CYFIP1: variants seen among roughly 807,000 people sequenced by gnomAD.
The protein encoded by CYFIP1 is cytoplasmic FMR1 interacting protein 1.
CYFIP1 carries 58 observed loss-of-function variants against 163.5 expected under a neutral mutation model. The ratio of observed to expected loss-of-function variants is 0.35; its 90% CI spans 0.29 to 0.44. The LOEUF (loss-of-function observed/expected upper bound fraction) is 0.44, where lower values mean the gene tolerates loss of function less well. CYFIP1 is among the 20% of genes least tolerant of loss of function. The probability of loss-of-function intolerance (pLI) is 1.00; values close to 1 mark genes in which losing one functional copy is unlikely to be tolerated. For synonymous variants in CYFIP1, 663 were observed against 660.7 expected (o/e 1.00, Z -0.05); for missense variants, 1,338 against 1,653.8 (o/e 0.81, Z 3.31).
chr15:22,870,745 A>G (rs2059411386), intron 30 of CYFIP1, among the ~76,000 whole-genome samples: 1 of 152,172 alleles, frequency 6.6e-6, no homozygotes, highest in African/African-American at 2.4e-5. Flanking sequence ...CACATTGGCA[A>G]TTAAGAACCT....
At chr15:22,874,185 A>G (rs180887951) in intron 28 of CYFIP1, among the ~76,000 whole-genome samples, 6 of 152,348 alleles carry the variant, frequency 3.9e-5, no homozygotes, top group East Asian at 1.9e-4. Flanking sequence ...CTGACTTAGC[A>G]TAAGCAGCTG....
intron 13 of CYFIP1, 25 bp from the exon 14 acceptor site, chr15:22,918,883 C>T (rs745779821): frequency 4.5e-6 from 7 of 1,558,274 alleles, no homozygotes; most frequent in East Asian, 2.3e-5. Flanking sequence ...GCAACAGGGA[C>T]GGCCCTTCTT....
At chr15:22,926,146 T>C (rs1369008145) in intron 12 of CYFIP1, 39 bp from the exon 13 acceptor site, 5 of 1,611,984 alleles carry the variant, frequency 3.1e-6, no homozygotes, top group South Asian at 1.1e-5. Context: ...CCATATTGCA[T>C]GCAAAACGCC....
intron 1 of CYFIP1, among the ~76,000 whole-genome samples, chr15:22,973,053 T>C (rs1221016809): frequency 1.3e-5 from 2 of 152,082 alleles, no homozygotes; most frequent in African/African-American, 2.4e-5. Context: ...GGAGAATCGT[T>C]TGAACCTGGG....
At chr15:22,962,397 T>G (rs1483485733) in intron 1 of CYFIP1, among the ~76,000 whole-genome samples, 1 of 133,656 alleles carries the variant, frequency 7.5e-6, no homozygotes, top group African/African-American at 2.9e-5. Context: ...TTCTTCTTTT[T>G]TTTCTTTTTT....
chr15:22,955,671 G>A (rs773720621), intron 1 of CYFIP1, among the ~76,000 whole-genome samples: 61 of 152,144 alleles, frequency 4.0e-4, no homozygotes, highest in Non-Finnish European at 2.1e-4. Context: ...GGGCAGATCC[G>A]CCCAGGCTCC....
chr15:22,910,748 A>C lies in CYFIP1; in HGVS notation c.2148T>G (p.Val716=). The change falls in exon 19 of 31, where the codon GTT becomes GTG. Residue 716 remains valine (V), a synonymous_variant. Transcript: ENST00000617928. ...LADQIFAYYK[V]MAGSLLLDKR... is the part of the protein sequence containing the mutation. The stretch of plus-strand genomic sequence containing the variant: ...CACCAGATACTCACCTTCCTGCCAT[A>C]ACCTTATAATAGGCAAATATCTGGT... 6.2e-7 allele frequency: 1 copy of C among 1,613,616 alleles called. No individual in the cohort carries two copies. Among genetic ancestry groups the C allele is most frequent in the Non-Finnish European group, 8.5e-7 (1 of 1,179,482 alleles).
chr15:22,910,563 G>A lies in CYFIP1; in HGVS notation c.2225C>T (p.Pro742Leu), dbSNP rs139576657. The A allele has an allele frequency of 2.4e-5, 38 of 1,614,052 alleles. No homozygotes were observed. The highest frequency in any genetic ancestry group is 2.1e-4 in the African/African-American group (16 of 74,936). ...CAGCAGCGTCTCGTAGCGGTTAGAC[G>A]GCGGGAGGTGGATCGTGGCTCCCTG... is the stretch of plus-strand genomic sequence containing the variant. Reference protein sequence around the residue: ...KNQGATIHLPPSNRYETLLKQ... With the variant: ...KNQGATIHLPLSNRYETLLKQ... Residue 742 changes from proline to leucine, a missense_variant, in exon 20 of 31, where the codon CCG (proline) becomes CTG (leucine). Around this residue, in one of 4 missense-constraint regions of CYFIP1, gnomAD observed 824 missense variants for 995.7 expected, o/e 0.83. Coordinates refer to ENST00000617928, the MANE Select transcript of CYFIP1 (RefSeq NM_014608.6).
intron 29 of CYFIP1, 151 bp from the exon 30 acceptor site, chr15:22,873,123 C>T: frequency 1.2e-6 from 1 of 828,338 alleles, no homozygotes; most frequent in Admixed American, 4.6e-5. Context: ...GAATGCCGGG[C>T]AGCCAGGTGG....
At chr15:22,925,401 C>T (rs60506149) in intron 13 of CYFIP1, among the ~76,000 whole-genome samples, 22,394 of 152,094 alleles carry the variant, frequency 0.15, 1,835 homozygotes, top group Middle Eastern at 0.24. Context: ...TGCATTGTCA[C>T]GTGACCAGCT....
intron 13 of CYFIP1, among the ~76,000 whole-genome samples, chr15:22,919,840 G>A (rs891838053): frequency 2.0e-5 from 3 of 151,918 alleles, no homozygotes; most frequent in South Asian, 2.1e-4. Context: ...CGAACAAAAT[G>A]GCCAGACCCC....
In CYFIP1 at chr15:22,933,688, C is replaced by T. The variant is rs1362336380; in HGVS notation, c.992+114G>A. 7 of 737,914 alleles carry T rather than the reference C, an allele frequency of 9.5e-6. No homozygotes were observed. The East Asian group carries it at 1.6e-4, about 16-fold the overall frequency. 45.7% of individuals were successfully genotyped at this position (737,914 alleles called of 1,614,324 possible). On this transcript the variant is annotated intron_variant, in intron 10 of 30. Transcript: ENST00000617928. Reference sequence around the variant, plus strand: ...AGGCTGCAATACTGGACATTTAATTCCAGGCTGAGAATGTTAACAGTGTTA... The same window carrying T: ...AGGCTGCAATACTGGACATTTAATTTCAGGCTGAGAATGTTAACAGTGTTA...
intron 1 of CYFIP1, among the ~76,000 whole-genome samples, chr15:22,966,351 C>T (rs1317910084): frequency 8.0e-6 from 1 of 124,672 alleles, no homozygotes; most frequent in Admixed American, 8.7e-5. Context: ...CCAGCCTGGG[C>T]AACAAAAGCA....
intron 23 of CYFIP1, among the ~76,000 whole-genome samples, chr15:22,891,244 G>C (rs967776898): frequency 6.6e-6 from 1 of 152,038 alleles, no homozygotes; most frequent in African/African-American, 2.4e-5. Context: ...GGCCAACATG[G>C]TGAAACCCCG....
intron 22 of CYFIP1, among the ~76,000 whole-genome samples, chr15:22,898,649 T>C (rs2060304693): frequency 1.3e-5 from 2 of 151,994 alleles, no homozygotes; most frequent in Non-Finnish European, 1.5e-5. Context: ...GATCCTCCCA[T>C]GTCAGCCTTC....
chr15:22,917,304 AT>A lies in CYFIP1; in HGVS notation c.1674+483del. ...ACGGAGGACAGACGCAGCGGTGTGGATTAAACCGGGTGTGAAAGTCGTGAGA... is the reference window on the plus strand; with the variant it reads ...ACGGAGGACAGACGCAGCGGTGTGGATAAACCGGGTGTGAAAGTCGTGAGA... On this transcript the variant is annotated intron_variant, in intron 15 of 30. Transcript: ENST00000617928. This position sits in a 1 kb window ranked among gnomAD's most constrained non-coding sequence, Gnocchi z 4.2. The A allele has an allele frequency of 7.5e-7, 1 of 1,338,828 alleles. No homozygotes were observed. Among genetic ancestry groups the A allele is most frequent in the Non-Finnish European group, 9.5e-7 (1 of 1,049,688 alleles). The allele number at this position is 1,338,828 out of a possible 1,614,324, so 82.9% of individuals were successfully genotyped here.
At chr15:22,952,656 T>C (rs550919557) in intron 1 of CYFIP1, among the ~76,000 whole-genome samples, 3 of 1,814 alleles carry the variant, frequency 1.7e-3, no homozygotes, top group Non-Finnish European at 1.8e-3. Context: ...TGAGACTCCA[T>C]CTCAAAAAAA....
intron 1 of CYFIP1, among the ~76,000 whole-genome samples, chr15:22,951,691 C>A (rs1047517874): frequency 6.6e-6 from 1 of 152,212 alleles, no homozygotes; most frequent in African/African-American, 2.4e-5. Context: ...AGCCACAGAT[C>A]CCACATGGCA....
intron 1 of CYFIP1, among the ~76,000 whole-genome samples, chr15:22,975,673 G>A (rs2063245586): frequency 6.6e-6 from 1 of 152,100 alleles, no homozygotes; most frequent in African/African-American, 2.4e-5. Context: ...GCAGGAGAAT[G>A]GCTTAAACCC....
Sources: gnomAD v4.1 joint callset for allele counts (sites outside exome capture counted in the v4.1 genomes callset) on GRCh38, gnomAD v4.1.1 for gene constraint, gnomAD v4.1.1 regional missense constraint, Gnocchi (gnomAD v3.1) non-coding constraint, MANE v1.5 for transcripts, NCBI Gene and HGNC (gene_info 2026-07-23, HGNC 2026-07-21) for gene names.